Variants in LRRC4C observed in about 807,000 individuals in gnomAD.
The protein encoded by LRRC4C is leucine-rich repeat-containing protein 4C.
A neutral mutation model predicts 33.6 loss-of-function variants in LRRC4C; 5 were observed. The ratio of observed to expected loss-of-function variants is 0.15; its 90% confidence interval spans 0.08 to 0.31. LRRC4C has a LOEUF of 0.31. LRRC4C is among the 10% of genes least tolerant of loss of function. LRRC4C has a pLI of 1.00. For synonymous variants in LRRC4C, 329 were observed against 302.0 expected (o/e 1.09, Z -0.93); for missense variants, 560 against 796.7 (o/e 0.70, Z 3.58).
In LRRC4C at chr11:40,742,139, T is replaced by C. The variant is rs1948187352; in HGVS notation, c.-406-93861A>G. Among the ~76,000 whole-genome samples, 3 of 152,032 alleles carry C rather than the reference T, an allele frequency of 2.0e-5. No individual in the cohort carries two copies. The South Asian group carries it at 6.2e-4, about 31-fold the overall frequency. On this transcript the variant is annotated intron_variant, in intron 2 of 6. Coordinates refer to ENST00000528697, the MANE Select transcript of LRRC4C (RefSeq NM_001258419.2). ...ATCAGCCCAAATCCTGTTTCCATAA[T>C]AATGTATCTTTCTAGCTTTGAAATC...
chr11:40,607,717 C>T (rs1316534384), intron 3 of LRRC4C, among the ~76,000 whole-genome samples: 1 of 152,150 alleles, frequency 6.6e-6, no homozygotes, highest in African/African-American at 2.4e-5. Context: ...AGGACAAAAA[C>T]CTTGGGATGC....
At chr11:41,268,328 A>G (rs567612452) in intron 1 of LRRC4C, among the ~76,000 whole-genome samples, 28 of 152,222 alleles carry the variant, frequency 1.8e-4, no homozygotes, top group East Asian at 1.7e-3. Context: ...CAACACCTTG[A>G]TCACAGCCTT....
At chr11:41,272,011 A>T (rs533102008) in intron 1 of LRRC4C, among the ~76,000 whole-genome samples, 41 of 152,244 alleles carry the variant, frequency 2.7e-4, no homozygotes, top group African/African-American at 9.9e-4. Flanking sequence ...AAAGTCACAT[A>T]AAAAAGAAAA....
intron 1 of LRRC4C, among the ~76,000 whole-genome samples, chr11:41,330,865 T>C (rs1951273150): frequency 6.6e-6 from 1 of 152,132 alleles, no homozygotes; most frequent in South Asian, 2.1e-4. Context: ...TACATTAGTC[T>C]CCAAACTTAT....
At chr11:40,788,680 A>G (rs1291335981) in intron 2 of LRRC4C, among the ~76,000 whole-genome samples, 1 of 152,186 alleles carries the variant, frequency 6.6e-6, no homozygotes, top group Non-Finnish European at 1.5e-5. Flanking sequence ...AACATTTTTA[A>G]CAAAATCATT....
chr11:40,954,964 G>A (rs1204617038), intron 1 of LRRC4C, among the ~76,000 whole-genome samples: 2 of 151,740 alleles, frequency 1.3e-5, no homozygotes, highest in Non-Finnish European at 2.9e-5. Context: ...GACCCACCTC[G>A]TGCTTTTGTA....
intron 1 of LRRC4C, among the ~76,000 whole-genome samples, chr11:41,123,507 C>T (rs4525221): frequency 0.2 from 29,778 of 150,980 alleles, 3,507 homozygotes; most frequent in East Asian, 0.37. Context: ...CTCCTGACCT[C>T]GTGATCCGCC....
chr11:40,883,664 G>A (rs1955294359), intron 2 of LRRC4C, among the ~76,000 whole-genome samples: 1 of 151,672 alleles, frequency 6.6e-6, no homozygotes, highest in Non-Finnish European at 1.5e-5. Flanking sequence ...AGCATTTAGA[G>A]CTTTATAAGT....
At chr11:41,089,131 AG>A (rs1940216427) in intron 1 of LRRC4C, among the ~76,000 whole-genome samples, 1 of 152,070 alleles carries the variant, frequency 6.6e-6, no homozygotes, top group African/African-American at 2.4e-5. Flanking sequence ...CCCATAGACC[AG>A]GAACTATTGC....
intron 3 of LRRC4C, among the ~76,000 whole-genome samples, chr11:40,578,258 T>C (rs1958308869): frequency 6.9e-6 from 1 of 144,090 alleles, no homozygotes; most frequent in African/African-American, 2.6e-5. Context: ...ACTATGCCCC[T>C]GGCAAACAGG....
chr11:40,844,365 T>C (rs750724661), intron 2 of LRRC4C, among the ~76,000 whole-genome samples: 14 of 152,160 alleles, frequency 9.2e-5, no homozygotes, highest in Non-Finnish European at 1.9e-4. Flanking sequence ...GTTACTGGAA[T>C]GGGAATATGA....
intron 2 of LRRC4C, among the ~76,000 whole-genome samples, chr11:40,858,459 C>T (rs928247184): frequency 2.6e-5 from 4 of 152,008 alleles, no homozygotes; most frequent in African/African-American, 9.7e-5. Flanking sequence ...CTTTGGGAGG[C>T]TGAAGCAGGC....
At chr11:41,438,665 G>A (rs148157473) in intron 1 of LRRC4C, among the ~76,000 whole-genome samples, 20 of 152,252 alleles carry the variant, frequency 1.3e-4, no homozygotes, top group African/African-American at 4.6e-4. Context: ...AAACCAATTA[G>A]CATACCACTG....
intron 2 of LRRC4C, among the ~76,000 whole-genome samples, chr11:40,823,112 C>T (rs1404732374): frequency 6.6e-6 from 1 of 151,714 alleles, no homozygotes; most frequent in East Asian, 1.9e-4. Context: ...AAAGATAGTG[C>T]TTGCATAATT....
chr11:40,506,927 T>A (rs2138679070), intron 3 of LRRC4C, among the ~76,000 whole-genome samples: 1 of 152,214 alleles, frequency 6.6e-6, no homozygotes, highest in South Asian at 2.1e-4. Flanking sequence ...AACTAGCTGT[T>A]AATTTAGGGA....
intron 3 of LRRC4C, among the ~76,000 whole-genome samples, chr11:40,486,937 C>T (rs182061074): frequency 6.6e-6 from 1 of 152,172 alleles, no homozygotes; most frequent in Non-Finnish European, 1.5e-5. Flanking sequence ...CCAATATTCA[C>T]TCTTTCAATC....
At chr11:40,118,569 G>A (rs1855602996) in intron 6 of LRRC4C, among the ~76,000 whole-genome samples, 1 of 152,118 alleles carries the variant, frequency 6.6e-6, no homozygotes, top group African/African-American at 2.4e-5. Context: ...ATGGATATCT[G>A]ATCTATATTT....
At chr11:41,304,561 TG>T (rs1950411868) in intron 1 of LRRC4C, among the ~76,000 whole-genome samples, 1 of 40,496 alleles carries the variant, frequency 2.5e-5, no homozygotes, top group Admixed American at 2.7e-4. Flanking sequence ...CCGCCCCGTC[TG>T]GGAGGGAGGT....
intron 3 of LRRC4C, among the ~76,000 whole-genome samples, chr11:40,498,271 C>T (rs1311092972): frequency 2.6e-5 from 4 of 152,090 alleles, no homozygotes; most frequent in Admixed American, 6.6e-5. Context: ...CTGGAAGTAA[C>T]GCTACAACGG....
Sources: allele counts gnomAD v4.1 joint callset (sites outside exome capture counted in the v4.1 genomes callset), GRCh38; gene constraint gnomAD v4.1.1; transcripts MANE v1.5; gene names NCBI Gene and HGNC (gene_info 2026-07-23, HGNC 2026-07-21).